NELL1: variants seen among roughly 807,000 people sequenced by gnomAD.
NELL1 encodes neural EGFL like 1, also known as protein kinase C-binding protein NELL1.
NELL1 carries 76 observed loss-of-function variants against 107.4 expected under a neutral mutation model. That is an observed-to-expected ratio of 0.71 (90% CI 0.59 to 0.86). The LOEUF (loss-of-function observed/expected upper bound fraction) is 0.86. Among genes scored for constraint, NELL1 ranks in the 40% least tolerant of loss-of-function variants. The pLI, the probability that NELL1 is intolerant of heterozygous loss-of-function variation, is 0.00. For synonymous variants in NELL1, 353 were observed against 341.2 expected (o/e 1.03, Z -0.38); for missense variants, 1,024 against 1,005.5 (o/e 1.02, Z -0.25).
chr11:20,942,283 G>A (rs1850871272), intron 10 of NELL1, among the ~76,000 whole-genome samples: 1 of 152,130 alleles, frequency 6.6e-6, no homozygotes, highest in African/African-American at 2.4e-5. Flanking sequence ...TTGCCCTCTT[G>A]GCTGCTGCTG....
At chr11:21,002,740 A>G (rs577447668) in intron 12 of NELL1, among the ~76,000 whole-genome samples, 2 of 152,136 alleles carry the variant, frequency 1.3e-5, no homozygotes, top group Non-Finnish European at 2.9e-5. Context: ...TCCTCTTCTT[A>G]TAAGTCACCT....
rs1012838661 is a variant in NELL1 at position 21,473,418 on chromosome 11, T to A, written c.1646-60956T>A. 3.9e-5 allele frequency among the ~76,000 whole-genome samples: 6 copies of A among 152,082 alleles called. No individual in the cohort carries two copies. In the South Asian group the frequency reaches 1.2e-3, roughly 31 times the overall value. On this transcript the variant is annotated intron_variant, in intron 15 of 19. Transcript: ENST00000357134. ...CATCTAGGTGAACAACTGGCCAATC[T>A]ATTGATTTGTCCACACACAAAAATG...
At chr11:21,002,552 C>T (rs2134275381) in intron 12 of NELL1, among the ~76,000 whole-genome samples, 1 of 152,266 alleles carries the variant, frequency 6.6e-6, no homozygotes, top group Middle Eastern at 3.4e-3. Flanking sequence ...CACTTAGGGA[C>T]TTCCTCAGCC....
chr11:21,129,132 C>T (rs900153430), intron 13 of NELL1, among the ~76,000 whole-genome samples: 1 of 151,982 alleles, frequency 6.6e-6, no homozygotes, highest in African/African-American at 2.4e-5. Flanking sequence ...ATCTTGTTTT[C>T]TTTACCGTTT....
intron 15 of NELL1, among the ~76,000 whole-genome samples, chr11:21,482,688 C>G (rs895823705): frequency 1.3e-5 from 2 of 151,458 alleles, no homozygotes; most frequent in Non-Finnish European, 2.9e-5. Context: ...ATTACTCACT[C>G]TCCAGTGGTG....
At chr11:21,369,066 G>A (rs568931329) in intron 14 of NELL1, among the ~76,000 whole-genome samples, 1 of 152,062 alleles carries the variant, frequency 6.6e-6, no homozygotes, top group East Asian at 1.9e-4. Flanking sequence ...ACAGCATCAA[G>A]TCTCCTAACC....
chr11:21,155,887 A>T (rs1342872351), intron 13 of NELL1, among the ~76,000 whole-genome samples: 1 of 152,180 alleles, frequency 6.6e-6, no homozygotes, highest in Non-Finnish European at 1.5e-5. Flanking sequence ...TGAAGACAAG[A>T]TTTTATTAAC....
At chr11:21,316,618 G>A (rs1849886187) in intron 14 of NELL1, among the ~76,000 whole-genome samples, 1 of 152,266 alleles carries the variant, frequency 6.6e-6, no homozygotes, top group East Asian at 1.9e-4. Flanking sequence ...GGTGTCCAGA[G>A]TGCCCCCTCT....
In NELL1 at chr11:21,039,583, G is replaced by A. The variant is rs562952876; in HGVS notation, c.1301-74006G>A. 1.3e-3 allele frequency among the ~76,000 whole-genome samples: 200 copies of A among 152,270 alleles called. 2 individuals are homozygous for A. Among genetic ancestry groups the A allele is most frequent in the Middle Eastern group, 6.8e-3 (2 of 294 alleles). On this transcript the variant is annotated intron_variant, in intron 12 of 19. Coordinates refer to ENST00000357134, the MANE Select transcript of NELL1 (RefSeq NM_006157.5). ...GTTACCACTGCTCATTGATTTTCTAGATGGAGCAAAATTCAGTATTCTGGG... is the reference window on the plus strand; with the variant it reads ...GTTACCACTGCTCATTGATTTTCTAAATGGAGCAAAATTCAGTATTCTGGG...
chr11:20,896,438 C>T (rs760538186), intron 5 of NELL1, among the ~76,000 whole-genome samples: 8 of 152,064 alleles, frequency 5.3e-5, no homozygotes, highest in African/African-American at 1.2e-4. Flanking sequence ...CTGCTATAAC[C>T]GTGTGTATGT....
chr11:21,275,385 C>A (rs1033637684), intron 14 of NELL1, among the ~76,000 whole-genome samples: 1 of 152,086 alleles, frequency 6.6e-6, no homozygotes, highest in Admixed American at 6.6e-5. Context: ...CAATAACAGG[C>A]TCTGAAATTG....
intron 2 of NELL1, among the ~76,000 whole-genome samples, chr11:20,760,088 A>G (rs1856385687): frequency 6.6e-6 from 1 of 152,236 alleles, no homozygotes; most frequent in Non-Finnish European, 1.5e-5. Flanking sequence ...CCCAGATGCC[A>G]AACAAAGGTC....
At chr11:21,494,243 A>G (rs760437916) in intron 15 of NELL1, among the ~76,000 whole-genome samples, 3 of 152,050 alleles carry the variant, frequency 2.0e-5, no homozygotes, top group South Asian at 4.1e-4. Context: ...CTATTGTTTT[A>G]TAAACTGTTT....
intron 14 of NELL1, among the ~76,000 whole-genome samples, chr11:21,356,090 G>A (rs1421000188): frequency 6.6e-6 from 1 of 152,018 alleles, no homozygotes; most frequent in Non-Finnish European, 1.5e-5. Flanking sequence ...TTCCCACACT[G>A]TGTCTGCTTT....
At chr11:20,963,481 C>G (rs1564989183) in intron 12 of NELL1, among the ~76,000 whole-genome samples, 6 of 152,054 alleles carry the variant, frequency 3.9e-5, no homozygotes. Flanking sequence ...CTGGTTACAA[C>G]AAAATAGGGT....
At chr11:21,379,877 C>A (rs977333341) in intron 15 of NELL1, among the ~76,000 whole-genome samples, 1 of 152,032 alleles carries the variant, frequency 6.6e-6, no homozygotes, top group African/African-American at 2.4e-5. Context: ...TTTGAGAGAT[C>A]CCTATCAGCA....
In NELL1 at chr11:21,316,731, G is replaced by A. The variant is rs562303618; in HGVS notation, c.1550-54122G>A. ...GAAACTTTTAAGATTCTAGCAGGTG[G>A]CATTTCTGCTGGGTCATTCTCAGGA... On this transcript the variant is annotated intron_variant, in intron 14 of 19. Transcript: ENST00000357134. 1.6e-3 allele frequency among the ~76,000 whole-genome samples: 250 copies of A among 152,242 alleles called. 1 individual carries two copies. The highest frequency in any genetic ancestry group is 5.4e-3 in the African/African-American group (226 of 41,544).
intron 15 of NELL1, among the ~76,000 whole-genome samples, chr11:21,409,067 C>A (rs1369484316): frequency 6.6e-6 from 1 of 152,004 alleles, no homozygotes; most frequent in Non-Finnish European, 1.5e-5. Flanking sequence ...TTGACCCAGC[C>A]ATCCCATTAC....
intron 4 of NELL1, among the ~76,000 whole-genome samples, chr11:20,857,195 G>GGGAGCGGCA (rs1848898166): frequency 6.6e-6 from 1 of 152,178 alleles, no homozygotes; most frequent in African/African-American, 2.4e-5. Context: ...CTGTAAGCAT[G>GGGAGCGGCA]GGAGCGGCAG....
Sources: allele counts gnomAD v4.1 joint callset (sites outside exome capture counted in the v4.1 genomes callset), GRCh38; gene constraint gnomAD v4.1.1; transcripts MANE v1.5; gene names NCBI Gene and HGNC (gene_info 2026-07-23, HGNC 2026-07-21).